Variants in BNC2 observed in about 807,000 individuals in gnomAD.
BNC2 encodes zinc finger protein basonuclin-2.
A neutral mutation model predicts 76.3 loss-of-function variants in BNC2; 20 were observed. The observed-to-expected ratio is 0.26, with a 90% CI of 0.18 to 0.38. The LOEUF (loss-of-function observed/expected upper bound fraction) is 0.38. Ranked by LOEUF, BNC2 falls within the 10% of genes least tolerant of loss-of-function variation. The probability of loss-of-function intolerance (pLI) is 1.00; values close to 1 mark genes in which losing one functional copy is unlikely to be tolerated. For synonymous variants in BNC2, 582 were observed against 514.8 expected (o/e 1.13, Z -1.77); for missense variants, 1,382 against 1,399.8 (o/e 0.99, Z 0.20).
Position 16,417,450 on chromosome 9 carries a change from G to A in BNC2, c.*1539C>T, listed in dbSNP as rs1255300071. 2 of 152,330 alleles carry A rather than the reference G, an allele frequency of 1.3e-5. No individual in the cohort carries two copies. The highest frequency in any genetic ancestry group is 3.9e-4 in the East Asian group (2 of 5,172). 9.4% of individuals were successfully genotyped at this position (152,330 alleles called of 1,614,324 possible). On this transcript the variant is annotated 3_prime_UTR_variant, in exon 7 of 7. Coordinates refer to ENST00000380672, the MANE Select transcript of BNC2 (RefSeq NM_017637.6). ...AAAACACTGAACATTGAGAGATCCT[G>A]CTTTAAAACCCCCTTCTTCTGGCTT...
intron 3 of BNC2, among the ~76,000 whole-genome samples, chr9:16,701,488 C>A (rs1303579522): frequency 6.6e-6 from 1 of 152,206 alleles, no homozygotes; most frequent in African/African-American, 2.4e-5. Flanking sequence ...TAAAAGGTAG[C>A]AATAAAGTTA....
chr9:16,770,365 T>C (rs920271437), intron 1 of BNC2, among the ~76,000 whole-genome samples: 6 of 152,116 alleles, frequency 3.9e-5, no homozygotes, highest in Non-Finnish European at 7.3e-5. Flanking sequence ...CTTAGAAAAA[T>C]AGTAAGATAC....
At chr9:16,545,549 G>A (rs986272103) in intron 5 of BNC2, among the ~76,000 whole-genome samples, 2 of 152,104 alleles carry the variant, frequency 1.3e-5, no homozygotes, top group Admixed American at 6.5e-5. Context: ...TGCCTTCACT[G>A]CATGACTCTG....
intron 3 of BNC2, among the ~76,000 whole-genome samples, chr9:16,600,804 T>G (rs2133295339): frequency 6.6e-6 from 1 of 152,250 alleles, no homozygotes; most frequent in South Asian, 2.1e-4. Context: ...AAAGTTAGTT[T>G]GTGTATGAAG....
chr9:16,631,798 ACAG>A (rs1395082585), intron 3 of BNC2, among the ~76,000 whole-genome samples: 1 of 152,222 alleles, frequency 6.6e-6, no homozygotes, highest in Non-Finnish European at 1.5e-5. Context: ...TTCCAGAGAA[ACAG>A]AAGAAGGCAC....
chr9:16,699,127 G>C (rs1823433394), intron 3 of BNC2: 1 of 452,750 alleles, frequency 2.2e-6, no homozygotes, highest in South Asian at 1.6e-5. Context: ...TTTTGTTTTT[G>C]TTTTTGTTTT....
At chr9:16,850,368 TTATA>T (rs1360028510) in intron 1 of BNC2, among the ~76,000 whole-genome samples, 1 of 152,342 alleles carries the variant, frequency 6.6e-6, no homozygotes, top group South Asian at 2.1e-4. Context: ...ATACCAATTC[TTATA>T]TAGTGAAATG....
intron 6 of BNC2, chr9:16,429,887 C>G (rs1820872151): frequency 2.0e-6 from 1 of 492,308 alleles, no homozygotes; most frequent in Non-Finnish European, 4.1e-6. Context: ...TGTCTTGCAT[C>G]CAGCTGGGCC....
At chr9:16,787,353 G>C (rs1826323740) in intron 1 of BNC2, among the ~76,000 whole-genome samples, 1 of 152,172 alleles carries the variant, frequency 6.6e-6, no homozygotes, top group Non-Finnish European at 1.5e-5. Context: ...TCCTAAGTCG[G>C]CCTGGTGCTA....
intron 5 of BNC2, among the ~76,000 whole-genome samples, chr9:16,441,530 T>C (rs559178757): frequency 6.6e-6 from 1 of 152,338 alleles, no homozygotes; most frequent in South Asian, 2.1e-4. Context: ...TGAAGATCTT[T>C]GTGATAGAAA....
intron 5 of BNC2, chr9:16,475,852 G>T (rs950468572): frequency 6.6e-6 from 1 of 152,178 alleles, no homozygotes; most frequent in South Asian, 2.1e-4. Context: ...CTTTAAGCTG[G>T]AAGGGTTTTC....
chr9:16,828,394 A>G (rs1339548854), intron 1 of BNC2, among the ~76,000 whole-genome samples: 5 of 152,230 alleles, frequency 3.3e-5, no homozygotes, highest in Non-Finnish European at 7.3e-5. Context: ...GTCTTGAGTA[A>G]GCATAAACCC....
At chr9:16,592,292 C>T (rs1049560403) in intron 3 of BNC2, among the ~76,000 whole-genome samples, 2 of 152,064 alleles carry the variant, frequency 1.3e-5, no homozygotes, top group African/African-American at 4.8e-5. Context: ...GCTATCCCTC[C>T]ATCCACTGAC....
chr9:16,430,025 T>A, intron 6 of BNC2: 1 of 501,600 alleles, frequency 2.0e-6, no homozygotes, highest in South Asian at 1.5e-5. Context: ...GGGACAGGAA[T>A]GACACTGAAG....
chr9:16,593,438 T>A (rs903329165), intron 3 of BNC2, among the ~76,000 whole-genome samples: 1 of 151,960 alleles, frequency 6.6e-6, no homozygotes, highest in African/African-American at 2.4e-5. Context: ...AATTTAGAAG[T>A]TCAGAGTAAA....
At chr9:16,671,471 C>G (rs13284907) in intron 3 of BNC2, among the ~76,000 whole-genome samples, 72,115 of 152,054 alleles carry the variant, frequency 0.47, 19,050 homozygotes, top group Non-Finnish European at 0.61. Context: ...ACTCAGGAGA[C>G]AATCTCTGTA....
chr9:16,600,117 T>C (rs1026820058), intron 3 of BNC2, among the ~76,000 whole-genome samples: 12 of 152,240 alleles, frequency 7.9e-5, no homozygotes, highest in Non-Finnish European at 1.2e-4. Flanking sequence ...CCACAAATAC[T>C]GCTATTTATG....
intron 4 of BNC2, among the ~76,000 whole-genome samples, chr9:16,581,809 G>A (rs943665431): frequency 1.3e-5 from 2 of 152,114 alleles, no homozygotes; most frequent in East Asian, 3.9e-4. Flanking sequence ...GCTGATTTGG[G>A]CCTTGTTAAT....
chr9:16,794,068 T>TA (rs878887746), intron 1 of BNC2, among the ~76,000 whole-genome samples: 3 of 152,164 alleles, frequency 2.0e-5, no homozygotes, highest in Admixed American at 2.0e-4. Flanking sequence ...GACTTAGTTA[T>TA]AGGTTATAAA....
Sources: allele counts gnomAD v4.1 joint callset (sites outside exome capture counted in the v4.1 genomes callset), GRCh38; gene constraint gnomAD v4.1.1; transcripts MANE v1.5; gene names NCBI Gene and HGNC (gene_info 2026-07-23, HGNC 2026-07-21).